TMEM19: variants seen among roughly 807,000 people sequenced by gnomAD.
TMEM19 encodes transmembrane protein 19.
Under a neutral mutation model 33.6 loss-of-function variants are expected in TMEM19, and 21 were observed. The observed-to-expected ratio is 0.62, with a 90% confidence interval of 0.44 to 0.90. The LOEUF (loss-of-function observed/expected upper bound fraction) is 0.90. Among genes scored for constraint, TMEM19 ranks in the 40% least tolerant of loss-of-function variants. TMEM19 has a pLI of 0.00. For synonymous variants in TMEM19, 149 were observed against 147.5 expected (o/e 1.01, Z -0.07); for missense variants, 402 against 401.8 (o/e 1.00, Z 0.00).
intron 2 of TMEM19, among the ~76,000 whole-genome samples, chr12:71,693,176 C>T (rs1031457991): frequency 1.4e-4 from 21 of 151,444 alleles, no homozygotes; most frequent in African/African-American, 5.1e-4. Context: ...GCCTGGGTGA[C>T]AGAGCGAGAC....
rs1015189708 is a variant in TMEM19, at chr12:71,686,119, C to G, written c.-562C>G. 1.3e-5 allele frequency: 2 copies of G among 155,662 alleles called. No homozygotes were observed. The highest frequency in any genetic ancestry group is 4.8e-5 in the African/African-American group (2 of 41,472). The allele number at this position is 155,662 out of a possible 1,614,324, so 9.6% of individuals were successfully genotyped here. A position where few individuals can be genotyped will look rare whatever the true frequency, so the allele number is the denominator to read the frequency against. Reference sequence around the variant, plus strand: ...GGCGAGGCGCTAGAGGCGGGGGCGCCGGGAGGCGCGGGCTTTGCTCCTGGG... The same window carrying G: ...GGCGAGGCGCTAGAGGCGGGGGCGCGGGGAGGCGCGGGCTTTGCTCCTGGG... On this transcript the variant is annotated 5_prime_UTR_variant, in exon 1 of 6. Coordinates refer to ENST00000266673, the MANE Select transcript of TMEM19 (RefSeq NM_018279.4).
intron 5 of TMEM19, among the ~76,000 whole-genome samples, chr12:71,700,435 C>A (rs1881956631): frequency 6.6e-6 from 1 of 152,172 alleles, no homozygotes. Context: ...CCAAGGACGT[C>A]ATAGATCAGT....
In TMEM19 at chr12:71,701,122, A is replaced by C. The variant is rs182190176; in HGVS notation, c.*127A>C. 2,462 of 968,502 alleles carry C rather than the reference A, an allele frequency of 2.5e-3. 3 individuals carry two copies. Among genetic ancestry groups the C allele is most frequent in the Non-Finnish European group, 3.3e-3 (2,221 of 681,668 alleles). The allele number at this position is 968,502 out of a possible 1,614,324, so 60.0% of individuals were successfully genotyped here. A position where few individuals can be genotyped will look rare whatever the true frequency, so the allele number is the denominator to read the frequency against. On this transcript the variant is annotated 3_prime_UTR_variant, in exon 6 of 6. Transcript: ENST00000266673. ...CCAGTTCCTCCTGTATTCCATTGAG[A>C]TGGGATTTCACATTTTCCTCTCATC...
Position 71,702,185 on chromosome 12 carries a change from T to G in TMEM19, c.*1190T>G, listed in dbSNP as rs975217965. 5.3e-5 allele frequency: 8 copies of G among 152,344 alleles called. No homozygotes were observed. Among genetic ancestry groups the G allele is most frequent in the African/African-American group, 1.9e-4 (8 of 41,572 alleles). The allele number at this position is 152,344 out of a possible 1,614,324, so 9.4% of individuals were successfully genotyped here. On this transcript the variant is annotated 3_prime_UTR_variant, in exon 6 of 6. Coordinates refer to ENST00000266673, the MANE Select transcript of TMEM19 (RefSeq NM_018279.4). ...TGGTGGCCCTACTATGGTGATGATCTAGAACTGACTTACTTCAGGACAGAA... is the reference window on the plus strand; with the variant it reads ...TGGTGGCCCTACTATGGTGATGATCGAGAACTGACTTACTTCAGGACAGAA...
Position 71,686,589 on chromosome 12 carries a change from C to T in TMEM19, c.-92C>T, listed in dbSNP as rs1881693110. 1 of 1,395,608 alleles carries T rather than the reference C, an allele frequency of 7.2e-7. No homozygotes were observed. The highest frequency in any genetic ancestry group is 2.0e-5 in the Admixed American group (1 of 49,306). The allele number at this position is 1,395,608 out of a possible 1,614,324, so 86.5% of individuals were successfully genotyped here. A position where few individuals can be genotyped will look rare whatever the true frequency, so the allele number is the denominator to read the frequency against. Reference sequence around the variant, plus strand: ...TGGAATATGTTGGGATTTATGTTTGCCTCTGAACAAGTGTCTTGCTCACAT... The same window carrying T: ...TGGAATATGTTGGGATTTATGTTTGTCTCTGAACAAGTGTCTTGCTCACAT... On this transcript the variant is annotated 5_prime_UTR_variant, in exon 1 of 6. Transcript: ENST00000266673.
intron 2 of TMEM19, among the ~76,000 whole-genome samples, chr12:71,693,323 G>C (rs1371933907): frequency 6.6e-6 from 1 of 152,016 alleles, no homozygotes; most frequent in Non-Finnish European, 1.5e-5. Context: ...CAGCTTCCTG[G>C]GTAGTAGCGA....
rs1288767875 is a variant in TMEM19, at chr12:71,703,953, T to A, written c.*2958T>A. 2.3e-6 allele frequency: 1 copy of A among 439,966 alleles called. No individual in the cohort carries two copies. The allele number at this position is 439,966 out of a possible 1,614,324, so 27.3% of individuals were successfully genotyped here. A position where few individuals can be genotyped will look rare whatever the true frequency, so the allele number is the denominator to read the frequency against. On this transcript the variant is annotated 3_prime_UTR_variant, in exon 6 of 6. Coordinates refer to ENST00000266673, the MANE Select transcript of TMEM19 (RefSeq NM_018279.4). ...CTTTTGAATTGGATATTTAACTAAT[T>A]CAACATATTTTTCCTCTTTGCAGAA...
chr12:71,692,714 A>C (rs1291917356), intron 2 of TMEM19, among the ~76,000 whole-genome samples: 1 of 152,112 alleles, frequency 6.6e-6, no homozygotes, highest in Non-Finnish European at 1.5e-5. Context: ...CATAAAGGAA[A>C]TCTGCTAGAT....
intron 2 of TMEM19, among the ~76,000 whole-genome samples, chr12:71,691,256 TTAAC>T (rs745402606): frequency 2.6e-5 from 4 of 152,156 alleles, no homozygotes; most frequent in Non-Finnish European, 5.9e-5. Flanking sequence ...AGAATTAAAG[TTAAC>T]TAGACATACT....
Position 71,686,800 on chromosome 12 carries a change from C to T in TMEM19, c.120C>T (p.Ser40=). 1 of 1,610,010 alleles carries T rather than the reference C, an allele frequency of 6.2e-7. No individual in the cohort carries two copies. Reference sequence around the variant, plus strand: ...TCTGGATTATATCAATGACTGCAAGCACCTATTATGGTAAGTCTGAGTGTT... The same window carrying T: ...TCTGGATTATATCAATGACTGCAAGTACCTATTATGGTAAGTCTGAGTGTT... ...LAFWIISMTA[S]TYYGNLRPIS... Residue 40 remains serine (S), a synonymous_variant, in exon 1 of 6, where the codon AGC becomes AGT. Transcript: ENST00000266673.
intron 5 of TMEM19, 94 bp downstream of exon 5, chr12:71,699,203 G>A (rs774086527): frequency 1.5e-6 from 2 of 1,375,070 alleles, no homozygotes; most frequent in Non-Finnish European, 2.0e-6. Context: ...CAAATCCAAA[G>A]ACACAGGGTG....
intron 2 of TMEM19, among the ~76,000 whole-genome samples, chr12:71,693,390 C>T (rs1273539946): frequency 2.6e-5 from 4 of 151,782 alleles, no homozygotes. Flanking sequence ...TTTTTGTTTC[C>T]TTAAGGATAA....
Position 71,701,245 on chromosome 12 carries a change from G to A in TMEM19, c.*250G>A, listed in dbSNP as rs76792796. 2.1e-3 allele frequency: 725 copies of A among 339,268 alleles called. 7 individuals carry two copies. Among genetic ancestry groups the A allele is most frequent in the African/African-American group, 0.014 (651 of 47,598 alleles). The allele number at this position is 339,268 out of a possible 1,614,324, so 21.0% of individuals were successfully genotyped here. A position where few individuals can be genotyped will look rare whatever the true frequency, so the allele number is the denominator to read the frequency against. ...CTGAATGGAAGTCTTGAGCAATGAA[G>A]CTATATTGTCCCTACATATTACTAT... On this transcript the variant is annotated 3_prime_UTR_variant, in exon 6 of 6. Coordinates refer to ENST00000266673, the MANE Select transcript of TMEM19 (RefSeq NM_018279.4).
chr12:71,699,067 T>C lies in TMEM19; in HGVS notation c.805T>C (p.Ser269Pro). The C allele has an allele frequency of 1.2e-6, 2 of 1,614,186 alleles. No homozygotes were observed. The highest frequency in any genetic ancestry group is 2.7e-5 in the African/African-American group (2 of 75,028). The change falls in exon 5 of 6, where the codon TCA (serine) becomes CCA (proline). Residue 269 changes from serine (S) to proline (P), a missense_variant. Coordinates refer to ENST00000266673, the MANE Select transcript of TMEM19 (RefSeq NM_018279.4). ...AFGGLAGLLGSIVDSYLGATM... is the reference protein window; with the variant it reads ...AFGGLAGLLGPIVDSYLGATM... ...TGGTGGTTTAGCTGGATTACTAGGA[T>C]CAATTGTGGACTCATACTTAGGGGC... is the stretch of plus-strand genomic sequence containing the variant.
chr12:71,701,485 ACTT>A lies in TMEM19; in HGVS notation c.*493_*495del, dbSNP rs1405938019. The A allele has an allele frequency of 6.6e-6, 1 of 152,222 alleles. No individual in the cohort carries two copies. The highest frequency in any genetic ancestry group is 2.4e-5 in the African/African-American group (1 of 41,448). The allele number at this position is 152,222 out of a possible 1,614,324, so 9.4% of individuals were successfully genotyped here. A position where few individuals can be genotyped will look rare whatever the true frequency, so the allele number is the denominator to read the frequency against. ...AGCCTAAACAAGTGTAGTATCCTGA[ACTT>A]CTCCCATTAATTGCTATTCACAATT... On this transcript the variant is annotated 3_prime_UTR_variant, in exon 6 of 6. Coordinates refer to ENST00000266673, the MANE Select transcript of TMEM19 (RefSeq NM_018279.4).
Position 71,696,578 on chromosome 12 carries a change from A to G in TMEM19, c.382+5A>G, listed in dbSNP as rs1358429609. On this transcript the variant is annotated splice_donor_5th_base_variant and intron_variant, in intron 3 of 5. Coordinates refer to ENST00000266673, the MANE Select transcript of TMEM19 (RefSeq NM_018279.4). The stretch of plus-strand genomic sequence containing the variant: ...TAGATTCAGAATATAAGGAAGGTAA[A>G]ATTATGTTTGATATCATTCAAAATA... 6 of 1,590,210 alleles carry G rather than the reference A, an allele frequency of 3.8e-6. No homozygotes were observed. Among genetic ancestry groups the G allele is most frequent in the Non-Finnish European group, 5.1e-6 (6 of 1,170,482 alleles).
chr12:71,697,641 C>T, intron 4 of TMEM19, 107 bp downstream of exon 4: 2 of 1,378,262 alleles, frequency 1.5e-6, no homozygotes, highest in African/African-American at 1.5e-5. Flanking sequence ...TATTTTAGAG[C>T]CTTTTAAGAA....
In TMEM19 at chr12:71,686,626, T is replaced by G. The variant is rs1881693619; in HGVS notation, c.-55T>G. Reference sequence around the variant, plus strand: ...TGTCTTGCTCACATCGTAAATGACTTTCTCTCCGAAACGCTAAATATTCTT... The same window carrying G: ...TGTCTTGCTCACATCGTAAATGACTGTCTCTCCGAAACGCTAAATATTCTT... On this transcript the variant is annotated 5_prime_UTR_variant, in exon 1 of 6. Transcript: ENST00000266673. 1 of 1,596,740 alleles carries G rather than the reference T, an allele frequency of 6.3e-7. No individual in the cohort carries two copies. The highest frequency in any genetic ancestry group is 1.3e-5 in the African/African-American group (1 of 74,354).
chr12:71,701,905 A>G lies in TMEM19; in HGVS notation c.*910A>G, dbSNP rs912249837. On this transcript the variant is annotated 3_prime_UTR_variant, in exon 6 of 6. Coordinates refer to ENST00000266673, the MANE Select transcript of TMEM19 (RefSeq NM_018279.4). ...AAAATGCTATGATTTTTCTATTATT[A>G]CCTTCTAAGTTGTATTCTCTCTTAC... is the stretch of plus-strand genomic sequence containing the variant. 3 of 152,206 alleles carry G rather than the reference A, an allele frequency of 2.0e-5. No individual in the cohort carries two copies. The highest frequency in any genetic ancestry group is 2.9e-5 in the Non-Finnish European group (2 of 68,034). The allele number at this position is 152,206 out of a possible 1,614,324, so 9.4% of individuals were successfully genotyped here. A position where few individuals can be genotyped will look rare whatever the true frequency, so the allele number is the denominator to read the frequency against.
Sources: allele counts gnomAD v4.1 joint callset (sites outside exome capture counted in the v4.1 genomes callset), GRCh38; gene constraint gnomAD v4.1.1; transcripts MANE v1.5; gene names NCBI Gene and HGNC (gene_info 2026-07-23, HGNC 2026-07-21).